The following IZUMO1R variants were observed in gnomAD, a reference collection of about 807,000 sequenced individuals.
IZUMO1R encodes sperm-egg fusion protein Juno.
IZUMO1R carries 24 observed loss-of-function variants against 22.1 expected under a neutral mutation model. The observed-to-expected ratio is 1.09, with a 90% CI of 0.79 to 1.53. The LOEUF is 1.53. Among genes scored for constraint, IZUMO1R ranks in the 40% most tolerant of loss-of-function variants. The pLI is 0.00. For missense variants in IZUMO1R, 308 were observed against 314.9 expected (o/e 0.98, Z 0.17); for synonymous variants, 133 against 121.2 (o/e 1.10, Z -0.64).
At chr11:94,306,836 A>C in intron 3 of IZUMO1R, 114 bp downstream of exon 3, 1 of 1,105,442 alleles carries the variant, frequency 9.0e-7, no homozygotes, top group Non-Finnish European at 1.3e-6. Flanking sequence ...TTATTTCCCT[A>C]TGGACAAGAG....
intron 4 of IZUMO1R, 47 bp downstream of exon 4, chr11:94,307,347 G>A: frequency 6.2e-7 from 1 of 1,612,128 alleles, no homozygotes; most frequent in Non-Finnish European, 8.5e-7. Context: ...CCCCTTGGTG[G>A]TCCCCACAAG....
Position 94,308,040 on chromosome 11 carries a change from C to A in IZUMO1R, c.*348C>A, listed in dbSNP as rs1305290299. Among the ~76,000 whole-genome samples the A allele has an allele frequency of 6.6e-6, 1 of 151,992 alleles. No individual in the cohort carries two copies. The highest frequency in any genetic ancestry group is 2.4e-5 in the African/African-American group (1 of 41,428). On this transcript the variant is annotated 3_prime_UTR_variant, in exon 5 of 5. Transcript: ENST00000687084. ...TGGGAGCTTTCAAGGGGCTCAAGGA[C>A]TTTCCCATCCAGTGCACGCCTACCC...
Position 94,306,540 on chromosome 11 carries a change from T to G in IZUMO1R, c.166T>G (p.Cys56Gly). ...ECIPWKDNAC[C>G]TLTTSWEAHL... Reference sequence around the variant, plus strand: ...CATCCCCTGGAAGGACAATGCCTGCTGCACCCTCACGACAAGCTGGGAAGC... The same window carrying G: ...CATCCCCTGGAAGGACAATGCCTGCGGCACCCTCACGACAAGCTGGGAAGC... The change falls in exon 3 of 5, where the codon TGC becomes GGC. Residue 56 changes from cysteine to glycine, a missense_variant. Transcript: ENST00000687084. The G allele has an allele frequency of 6.2e-7, 1 of 1,613,974 alleles. No individual in the cohort carries two copies. The highest frequency in any genetic ancestry group is 1.1e-5 in the South Asian group (1 of 91,078).
intron 1 of IZUMO1R, 35 bp from the exon 2 acceptor site, chr11:94,305,596 T>A: frequency 6.2e-7 from 1 of 1,607,622 alleles, no homozygotes; most frequent in Non-Finnish European, 8.5e-7. Context: ...TGGGGTGTCA[T>A]TTCCATCAAG....
chr11:94,306,213 C>A (rs1026969369), intron 2 of IZUMO1R, among the ~76,000 whole-genome samples: 1 of 152,062 alleles, frequency 6.6e-6, no homozygotes, highest in Non-Finnish European at 1.5e-5. Flanking sequence ...CTCTGGGGCT[C>A]TTCTACCTGC....
rs535790014 is a variant in IZUMO1R at position 94,307,260 on chromosome 11, A to G, written c.444A>G (p.Thr148=). 1.2e-6 allele frequency: 2 copies of G among 1,611,978 alleles called. No individual in the cohort carries two copies. Among genetic ancestry groups the G allele is most frequent in the East Asian group, 2.2e-5 (1 of 44,814 alleles). Residue 148 remains threonine (T), a synonymous_variant, in exon 4 of 5, where the codon ACA becomes ACG. Transcript: ENST00000687084. ...GGGAAGACTGTCGCATGTCTTACAC[A>G]TGCAAATCCAACTGGCGTGGTGGCT... ...EWWEDCRMSY[T]CKSNWRGGWD...
Position 94,307,793 on chromosome 11 carries a change from G to A in IZUMO1R, c.*101G>A. The A allele has an allele frequency of 8.0e-7, 1 of 1,253,788 alleles. No individual in the cohort carries two copies. Among genetic ancestry groups the A allele is most frequent in the Admixed American group, 1.9e-5 (1 of 52,264 alleles). 77.7% of individuals were successfully genotyped at this position (1,253,788 alleles called of 1,614,324 possible). A position where few individuals can be genotyped will look rare whatever the true frequency, so the allele number is the denominator to read the frequency against. Reference sequence around the variant, plus strand: ...CCTCAGGCCCTCCCCTAAAAGCAGTGGCATGGGCTAGGGACTGCAGTCCCA... The same window carrying A: ...CCTCAGGCCCTCCCCTAAAAGCAGTAGCATGGGCTAGGGACTGCAGTCCCA... On this transcript the variant is annotated 3_prime_UTR_variant, in exon 5 of 5. Coordinates refer to ENST00000687084, the MANE Select transcript of IZUMO1R (RefSeq NM_001199206.4).
chr11:94,307,055 T>A, intron 3 of IZUMO1R, 110 bp from the exon 4 acceptor site: 1 of 1,275,928 alleles, frequency 7.8e-7, no homozygotes, highest in Non-Finnish European at 1.1e-6. Context: ...CTTAGAGGCT[T>A]TATGGAAGAT....
Position 94,304,779 on chromosome 11 carries a change from A to T in IZUMO1R, c.-107A>T, listed in dbSNP as rs1943997621. Among the ~76,000 whole-genome samples, 1 of 152,116 alleles carries T rather than the reference A, an allele frequency of 6.6e-6. No homozygotes were observed. The highest frequency in any genetic ancestry group is 6.5e-5 in the Admixed American group (1 of 15,278). ...CCTCCTGCACCTGGACCTAGTAGAA[A>T]TCAGACTGGGTAATAAATGGGCGGG... On this transcript the variant is annotated 5_prime_UTR_variant, in exon 1 of 5. Coordinates refer to ENST00000687084, the MANE Select transcript of IZUMO1R (RefSeq NM_001199206.4).
intron 3 of IZUMO1R, 44 bp downstream of exon 3, chr11:94,306,766 C>T (rs1944025791): frequency 6.4e-7 from 1 of 1,560,960 alleles, no homozygotes; most frequent in African/African-American, 1.4e-5. Context: ...ATATTAACAG[C>T]CAGAGCTTTC....
Position 94,306,625 on chromosome 11 carries a change from C to T in IZUMO1R, c.251C>T (p.Pro84Leu). Residue 84 changes from proline to leucine, a missense_variant, in exon 3 of 5, where the codon CCT (proline) becomes CTT (leucine). Pro to Leu is a moderately conservative substitution (Grantham distance 98). Coordinates refer to ENST00000687084, the MANE Select transcript of IZUMO1R (RefSeq NM_001199206.4). ...CTGTTTCACTGTGGACTGCTGATGC[C>T]TGGCTGTCGGAAGCACTTCATCCAG... is the stretch of plus-strand genomic sequence containing the variant. ...FSLFHCGLLM[P>L]GCRKHFIQAI... 1 of 1,613,998 alleles carries T rather than the reference C, an allele frequency of 6.2e-7. No homozygotes were observed. The highest frequency in any genetic ancestry group is 8.5e-7 in the Non-Finnish European group (1 of 1,179,886).
chr11:94,306,833 C>T, intron 3 of IZUMO1R, 111 bp downstream of exon 3: 2 of 1,130,830 alleles, frequency 1.8e-6, no homozygotes, highest in Non-Finnish European at 2.6e-6. Context: ...GTGTTATTTC[C>T]CTATGGACAA....
At position 94,307,283 on chromosome 11, in the gene IZUMO1R, GC is replaced by G. The variant is rs756681544; in HGVS notation, c.468del (p.Trp157GlyfsTer132). The G allele has an allele frequency of 6.2e-6, 10 of 1,612,784 alleles. No individual in the cohort carries two copies. The highest frequency in any genetic ancestry group is 8.5e-6 in the Non-Finnish European group (10 of 1,179,440). On this transcript the variant is annotated frameshift_variant, in exon 4 of 5. Transcript: ENST00000687084. LOFTEE classifies it low-confidence loss of function (END_TRUNC). ...SYTCKSNWRG[G>X]WDWSQGKNRC... ...ACATGCAAATCCAACTGGCGTGGTG[GC>G]TGGGACTGGAGTCAGGGTGAGTGGT...
intron 2 of IZUMO1R, 64 bp from the exon 3 acceptor site, chr11:94,306,449 C>T: frequency 6.7e-7 from 1 of 1,486,438 alleles, no homozygotes; most frequent in Admixed American, 1.7e-5. Flanking sequence ...CACCTTTCTT[C>T]CCTAGACACT....
intron 2 of IZUMO1R, 151 bp from the exon 3 acceptor site, chr11:94,306,362 G>T: frequency 8.5e-6 from 6 of 704,096 alleles, no homozygotes; most frequent in Non-Finnish European, 1.5e-5. Context: ...AGATTATCAG[G>T]GTTCCTCTTA....
intron 4 of IZUMO1R, 28 bp from the exon 5 acceptor site, chr11:94,307,396 T>G (rs1001134329): frequency 1.2e-6 from 2 of 1,609,806 alleles, no homozygotes; most frequent in Admixed American, 3.3e-5. Context: ...GAGTAGGAGG[T>G]AAGCTGTCCC....
At chr11:94,305,913 A>G in intron 2 of IZUMO1R, 139 bp downstream of exon 2, 1 of 925,428 alleles carries the variant, frequency 1.1e-6, no homozygotes. Context: ...AGATGGAAAG[A>G]GACTATGCCT....
chr11:94,306,776 CA>C (rs1944025963), intron 3 of IZUMO1R, 54 bp downstream of exon 3: 1 of 1,550,356 alleles, frequency 6.5e-7, no homozygotes, highest in Non-Finnish European at 8.9e-7. Context: ...CCAGAGCTTT[CA>C]CCCGATCTTA....
rs370225842 is a variant in IZUMO1R at position 94,307,496 on chromosome 11, G to T, written c.557G>T (p.Cys186Phe). 6.2e-7 allele frequency: 1 copy of T among 1,613,830 alleles called. No individual in the cohort carries two copies. The highest frequency in any genetic ancestry group is 2.2e-5 in the East Asian group (1 of 44,858). Residue 186 changes from cysteine to phenylalanine, a missense_variant, in exon 5 of 5, where the codon TGT becomes TTT. Cys to Phe is a radical substitution (Grantham distance 205). Coordinates refer to ENST00000687084, the MANE Select transcript of IZUMO1R (RefSeq NM_001199206.4). ...TACTTCCCCACCCCAGCTGACCTGT[G>T]TGAGAAGACTTGGAGCAATTCCTTC... The part of the protein sequence containing the change: ...SHYFPTPADL[C>F]EKTWSNSFKA...
Sources: gnomAD v4.1 joint callset for allele counts (sites outside exome capture counted in the v4.1 genomes callset) on GRCh38, gnomAD v4.1.1 for gene constraint, MANE v1.5 for transcripts, NCBI Gene and HGNC (gene_info 2026-07-23, HGNC 2026-07-21) for gene names.